The following MAD1L1 variants were observed in gnomAD, a reference collection of about 807,000 sequenced individuals.
MAD1L1 encodes mitotic spindle assembly checkpoint protein MAD1.
Under a neutral mutation model 96.9 loss-of-function variants are expected in MAD1L1, and 95 were observed. The ratio of observed to expected loss-of-function variants is 0.98; its 90% CI spans 0.83 to 1.16. MAD1L1 has a LOEUF of 1.16. Among genes scored for constraint, MAD1L1 ranks in the 50% most tolerant of loss-of-function variants. The pLI, the probability that MAD1L1 is intolerant of heterozygous loss-of-function variation, is 0.00. For synonymous variants in MAD1L1, 473 were observed against 396.6 expected (o/e 1.19, Z -2.29); for missense variants, 1,007 against 954.4 (o/e 1.06, Z -0.73).
intron 15 of MAD1L1, among the ~76,000 whole-genome samples, chr7:1,967,267 C>T (rs1473042425): frequency 6.6e-6 from 1 of 152,076 alleles, no homozygotes; most frequent in African/African-American, 2.4e-5. Flanking sequence ...TAGTCAGATG[C>T]CCATCTGCTA....
intron 11 of MAD1L1, among the ~76,000 whole-genome samples, chr7:2,100,881 G>A (rs910423483): frequency 2.0e-5 from 3 of 152,234 alleles, no homozygotes; most frequent in Admixed American, 6.5e-5. Context: ...CGGGAGGGGC[G>A]CAGGGGCCTC....
chr7:1,951,014 T>C (rs998004066), intron 16 of MAD1L1, among the ~76,000 whole-genome samples: 12 of 152,342 alleles, frequency 7.9e-5, no homozygotes, highest in African/African-American at 2.6e-4. Flanking sequence ...ACCAGCACTG[T>C]CCTGGTCCCG....
At chr7:1,827,253 C>T (rs558348376) in intron 18 of MAD1L1, among the ~76,000 whole-genome samples, 146 of 152,320 alleles carry the variant, frequency 9.6e-4, no homozygotes, top group Admixed American at 2.3e-3. Flanking sequence ...GGACTGGCCC[C>T]GAGGGCAGCA....
Position 1,825,033 on chromosome 7 carries a change from C to T in MAD1L1, c.1999-8805G>A, listed in dbSNP as rs146331067. On this transcript the variant is annotated intron_variant, in intron 18 of 18. Transcript: ENST00000265854. ...ATCAAAATGTTAATGGCGGTTAACT[C>T]GGAGTGCTGGGACGGAAAGTGACTC... 1.7e-3 allele frequency among the ~76,000 whole-genome samples: 252 copies of T among 152,208 alleles called. 1 individual carries two copies. Among genetic ancestry groups the T allele is most frequent in the African/African-American group, 5.6e-3 (234 of 41,544 alleles).
At chr7:1,835,544 C>G (rs1187719031) in intron 18 of MAD1L1, among the ~76,000 whole-genome samples, 7 of 152,154 alleles carry the variant, frequency 4.6e-5, no homozygotes, top group Non-Finnish European at 1.0e-4. Flanking sequence ...AAACAAAACT[C>G]TTTTATAATA....
At chr7:2,168,932 C>T (rs1790573379) in intron 10 of MAD1L1, among the ~76,000 whole-genome samples, 3 of 152,352 alleles carry the variant, frequency 2.0e-5, no homozygotes, top group Non-Finnish European at 2.9e-5. Flanking sequence ...GCGGCTGAAG[C>T]GGGAGGAACA....
intron 12 of MAD1L1, among the ~76,000 whole-genome samples, chr7:2,066,167 G>C (rs1784866740): frequency 6.6e-6 from 1 of 152,220 alleles, no homozygotes; most frequent in South Asian, 2.1e-4. Flanking sequence ...AGCACACAAG[G>C]AGAGCCTCCA....
intron 18 of MAD1L1, among the ~76,000 whole-genome samples, chr7:1,893,928 G>C (rs561426036): frequency 6.6e-6 from 1 of 152,224 alleles, no homozygotes; most frequent in South Asian, 2.1e-4. Context: ...GTGCCAACAT[G>C]AGCCCTGGCC....
At chr7:2,134,160 A>G (rs887700212) in intron 11 of MAD1L1, among the ~76,000 whole-genome samples, 1 of 152,232 alleles carries the variant, frequency 6.6e-6, no homozygotes, top group East Asian at 1.9e-4. Context: ...ATGCCGCTGC[A>G]TTGATTTACG....
chr7:2,140,312 G>A (rs768321060), intron 11 of MAD1L1, among the ~76,000 whole-genome samples: 11 of 152,140 alleles, frequency 7.2e-5, no homozygotes, highest in East Asian at 1.9e-4. Context: ...GCCCCCGTCC[G>A]CCCTGCACAT....
intron 11 of MAD1L1, among the ~76,000 whole-genome samples, chr7:2,130,653 G>A (rs193278072): frequency 3.3e-4 from 50 of 152,314 alleles, no homozygotes; most frequent in Non-Finnish European, 5.3e-4. Context: ...GTTAAGCCCC[G>A]GAGGCCGAAG....
At chr7:2,229,001 G>A (rs559503342) in intron 3 of MAD1L1, among the ~76,000 whole-genome samples, 1 of 152,284 alleles carries the variant, frequency 6.6e-6, no homozygotes, top group East Asian at 1.9e-4. Flanking sequence ...CCAAAGTGCT[G>A]GGATTACAGG....
At chr7:2,179,528 CAA>C (rs1254973924) in intron 10 of MAD1L1, among the ~76,000 whole-genome samples, 40 of 79,878 alleles carry the variant, frequency 5.0e-4, no homozygotes, top group Admixed American at 4.1e-4. Flanking sequence ...GACTCTGTCT[CAA>C]AAAAAAAAAA....
chr7:2,222,241 G>A (rs1793647420), intron 5 of MAD1L1, among the ~76,000 whole-genome samples: 1 of 151,886 alleles, frequency 6.6e-6, no homozygotes, highest in African/African-American at 2.4e-5. Flanking sequence ...CACCACGCAT[G>A]GCTAATTTTT....
intron 10 of MAD1L1, among the ~76,000 whole-genome samples, chr7:2,153,560 G>T (rs1286762156): frequency 6.6e-6 from 1 of 152,182 alleles, no homozygotes; most frequent in Non-Finnish European, 1.5e-5. Flanking sequence ...AGATGCTGGT[G>T]AGGATGCAGA....
intron 12 of MAD1L1, among the ~76,000 whole-genome samples, chr7:2,064,189 G>A (rs890165702): frequency 3.3e-5 from 5 of 152,176 alleles, no homozygotes; most frequent in Non-Finnish European, 5.9e-5. Context: ...TCAGGCAGCC[G>A]AGTGAATACA....
intron 11 of MAD1L1, among the ~76,000 whole-genome samples, chr7:2,085,193 CA>C (rs1387389560): frequency 2.0e-5 from 3 of 152,234 alleles, no homozygotes; most frequent in Non-Finnish European, 2.9e-5. Flanking sequence ...CTCAAGCACC[CA>C]CTGTGTATCA....
At chr7:1,975,489 C>G (rs150028689) in intron 15 of MAD1L1, among the ~76,000 whole-genome samples, 2 of 152,142 alleles carry the variant, frequency 1.3e-5, no homozygotes, top group South Asian at 2.1e-4. Context: ...GGGCTGGGCA[C>G]GGTGAGCTCA....
At chr7:2,077,108 G>A (rs192184619) in intron 11 of MAD1L1, among the ~76,000 whole-genome samples, 5 of 151,760 alleles carry the variant, frequency 3.3e-5, no homozygotes, top group African/African-American at 1.2e-4. Context: ...GCGGCATGGT[G>A]AGCCCGAGAT....
Sources: gnomAD v4.1 joint callset for allele counts (sites outside exome capture counted in the v4.1 genomes callset) on GRCh38, gnomAD v4.1.1 for gene constraint, MANE v1.5 for transcripts, NCBI Gene and HGNC (gene_info 2026-07-23, HGNC 2026-07-21) for gene names.